Variants in AGT observed in about 807,000 individuals in gnomAD.
The protein encoded by AGT is angiotensinogen, also known as alpha-1 antiproteinase, antitrypsin.
Under a neutral mutation model 28.1 loss-of-function variants are expected in AGT, and 26 were observed. The ratio of observed to expected loss-of-function variants is 0.92; its 90% CI spans 0.68 to 1.28. The LOEUF (loss-of-function observed/expected upper bound fraction) is 1.28. AGT is among the 50% of genes most tolerant of loss of function. The probability of loss-of-function intolerance (pLI) is 0.00; values close to 1 mark genes in which losing one functional copy is unlikely to be tolerated. For synonymous variants in AGT, 259 were observed against 259.6 expected (o/e 1.00, Z 0.02); for missense variants, 596 against 592.3 (o/e 1.01, Z -0.06).
At chr1:230,721,025 G>A (rs908953529) in intron 1 of AGT, among the ~76,000 whole-genome samples, 2 of 152,258 alleles carry the variant, frequency 1.3e-5, no homozygotes, top group African/African-American at 4.8e-5. Context: ...CCAGGGACAG[G>A]TAGTGTGCCC....
chr1:230,734,858 T>A (rs143536929), intron 1 of AGT, among the ~76,000 whole-genome samples: 2 of 151,904 alleles, frequency 1.3e-5, no homozygotes, highest in Non-Finnish European at 2.9e-5. Flanking sequence ...TACAGGCGCC[T>A]GCCACCACGC....
chr1:230,724,649 C>T (rs144177338), intron 1 of AGT, among the ~76,000 whole-genome samples: 2 of 152,098 alleles, frequency 1.3e-5, no homozygotes, highest in East Asian at 3.9e-4. Context: ...CATGGCAAAA[C>T]CCCATCTATA....
chr1:230,738,849 T>A (rs1664195529), intron 1 of AGT, among the ~76,000 whole-genome samples: 1 of 152,182 alleles, frequency 6.6e-6, no homozygotes, highest in Non-Finnish European at 1.5e-5. Context: ...AAATGAGATA[T>A]TTTAAATTAA....
intron 1 of AGT, among the ~76,000 whole-genome samples, chr1:230,733,255 C>T (rs1315932556): frequency 2.0e-5 from 3 of 151,944 alleles, no homozygotes; most frequent in Non-Finnish European, 2.9e-5. Flanking sequence ...TGCACTCCAG[C>T]GTGGGCAACA....
Position 230,710,399 on chromosome 1 carries a change from A to C in AGT, c.425T>G (p.Leu142Trp), listed in dbSNP as rs150161533. ...GTLASLYLGA[L>W]DHTADRLQAI... ...CTGTAGCCTGTCAGCTGTGTGGTCC[A>C]AGGCTCCCAGATAGAGAGAGGCCAG... Residue 142 changes from leucine to tryptophan, a missense_variant, in exon 2 of 5, where the codon TTG becomes TGG. Physicochemically the swap from Leu to Trp is moderately conservative, Grantham distance 61. Transcript: ENST00000366667. The C allele has an allele frequency of 2.4e-5, 38 of 1,614,216 alleles. No individual in the cohort carries two copies. The African/African-American group carries it at 4.8e-4, about 20-fold the overall frequency.
intron 2 of AGT, among the ~76,000 whole-genome samples, chr1:230,706,698 A>C (rs1051756648): frequency 6.6e-6 from 1 of 152,196 alleles, no homozygotes; most frequent in Non-Finnish European, 1.5e-5. Context: ...CCCGTGATCA[A>C]CATCTCACAC....
intron 1 of AGT, among the ~76,000 whole-genome samples, chr1:230,712,930 G>A (rs561091736): frequency 6.6e-5 from 10 of 152,182 alleles, no homozygotes; most frequent in Non-Finnish European, 1.2e-4. Flanking sequence ...TACTTCTCCC[G>A]GGCTGAATGC....
rs1201592005 is a variant in AGT at position 230,710,281 on chromosome 1, C to T, written c.543G>A (p.Leu181=). Residue 181 remains leucine (L), a synonymous_variant, in exon 2 of 5, where the codon CTG becomes CTA. Transcript: ENST00000366667. The part of the protein sequence containing the change: ...VLSALQAVQG[L]LVAQGRADSQ... ...TATCAGCCCTGCCCTGGGCCACTAGCAGGCCCTGTACAGCCTGCAGGGCAG... is the reference window on the plus strand; with the variant it reads ...TATCAGCCCTGCCCTGGGCCACTAGTAGGCCCTGTACAGCCTGCAGGGCAG... The T allele has an allele frequency of 6.2e-7, 1 of 1,613,932 alleles. No homozygotes were observed.
At chr1:230,724,755 G>A (rs1663908558) in intron 1 of AGT, among the ~76,000 whole-genome samples, 1 of 152,292 alleles carries the variant, frequency 6.6e-6, no homozygotes, top group East Asian at 1.9e-4. Context: ...GAGCCCAGGA[G>A]GTCAAAGCTG....
chr1:230,704,480 C>G, intron 3 of AGT, 143 bp from the exon 4 acceptor site: 2 of 1,141,192 alleles, frequency 1.8e-6, no homozygotes, highest in Admixed American at 4.1e-5. Flanking sequence ...GTCATCCTCC[C>G]CCTTGGGGAA....
chr1:230,704,953 T>G (rs191902336), intron 3 of AGT, among the ~76,000 whole-genome samples: 1 of 152,314 alleles, frequency 6.6e-6, no homozygotes, highest in Admixed American at 6.5e-5. Flanking sequence ...CACGTGTCCA[T>G]CGATGGATGA....
chr1:230,744,511 G>A (rs878968899), intron 1 of AGT, among the ~76,000 whole-genome samples: 2 of 152,150 alleles, frequency 1.3e-5, no homozygotes, highest in African/African-American at 4.8e-5. Flanking sequence ...ACTCCCTCCC[G>A]CAGACATTCT....
rs1663275438 is a variant in AGT, at chr1:230,703,029, G to T, written c.*112C>A. On this transcript the variant is annotated 3_prime_UTR_variant, in exon 5 of 5. Coordinates refer to ENST00000366667, the MANE Select transcript of AGT (RefSeq NM_001384479.1). ...CGACTCATTAGAAGAAAAGGTGGGA[G>T]ACTGGGGGTGACACATCGCTGATTT... is the stretch of plus-strand genomic sequence containing the variant. The T allele has an allele frequency of 8.3e-7, 1 of 1,208,940 alleles. No individual in the cohort carries two copies. The highest frequency in any genetic ancestry group is 1.2e-6 in the Non-Finnish European group (1 of 858,470). 74.9% of individuals were successfully genotyped at this position (1,208,940 alleles called of 1,614,324 possible).
upstream of AGT, among the ~76,000 whole-genome samples, chr1:230,716,381 G>A (rs902936787): frequency 6.6e-6 from 1 of 152,200 alleles, no homozygotes; most frequent in African/African-American, 2.4e-5. Flanking sequence ...GGAAGTTAGG[G>A]ACAGAGCTTA....
chr1:230,723,703 G>A (rs932093039), intron 1 of AGT, among the ~76,000 whole-genome samples: 5 of 152,122 alleles, frequency 3.3e-5, no homozygotes, highest in Non-Finnish European at 7.3e-5. Context: ...ATGTGAGTCC[G>A]AGTGATTGTT....
In AGT at chr1:230,704,312, G is replaced by T. The variant is rs760010252; in HGVS notation, c.1123C>A (p.Leu375Met). ...AGGTCATAAGATCCTTGCAGCACCA[G>T]TTGGGGCATGGTCAGGTGGATGGTC... ...PRTIHLTMPQ[L>M]VLQGSYDLQD... Residue 375 changes from leucine (L) to methionine (M), a missense_variant, in exon 4 of 5, where the codon CTG (leucine) becomes ATG (methionine). Transcript: ENST00000366667. 2 of 1,614,244 alleles carry T rather than the reference G, an allele frequency of 1.2e-6. No homozygotes were observed. The highest frequency in any genetic ancestry group is 1.7e-6 in the Non-Finnish European group (2 of 1,180,042).
intron 1 of AGT, among the ~76,000 whole-genome samples, chr1:230,745,234 A>G (rs1331777672): frequency 6.6e-6 from 1 of 152,170 alleles, no homozygotes; most frequent in Non-Finnish European, 1.5e-5. Flanking sequence ...TGGGAGTGGC[A>G]GGGGGTGCAG....
intron 1 of AGT, among the ~76,000 whole-genome samples, chr1:230,733,909 G>A (rs1664109663): frequency 6.6e-6 from 1 of 151,958 alleles, no homozygotes; most frequent in Non-Finnish European, 1.5e-5. Context: ...AGTCATTCAG[G>A]GACCACTACC....
At chr1:230,722,290 G>C (rs1663860693) in intron 1 of AGT, among the ~76,000 whole-genome samples, 1 of 152,250 alleles carries the variant, frequency 6.6e-6, no homozygotes, top group African/African-American at 2.4e-5. Context: ...GTATGGAAAT[G>C]CCTGGATGTC....
Sources: allele counts gnomAD v4.1 joint callset (sites outside exome capture counted in the v4.1 genomes callset), GRCh38; gene constraint gnomAD v4.1.1; transcripts MANE v1.5; gene names NCBI Gene and HGNC (gene_info 2026-07-23, HGNC 2026-07-21).